Variants in CNTNAP5 observed in about 807,000 individuals in gnomAD.
CNTNAP5 encodes the protein contactin-associated protein-like 5.
Under a neutral mutation model 150.2 loss-of-function variants are expected in CNTNAP5, and 72 were observed. That is an observed-to-expected ratio of 0.48 (90% CI 0.40 to 0.58). CNTNAP5 has a LOEUF of 0.58. Among genes scored for constraint, CNTNAP5 ranks in the 20% least tolerant of loss-of-function variants. The probability of loss-of-function intolerance (pLI) is 0.00; values close to 1 mark genes in which losing one functional copy is unlikely to be tolerated. For missense variants in CNTNAP5, 1,636 were observed against 1,626.2 expected (o/e 1.01, Z -0.10); for synonymous variants, 672 against 619.8 (o/e 1.08, Z -1.25).
At chr2:124,896,912 C>A (rs1346277338) in intron 21 of CNTNAP5, among the ~76,000 whole-genome samples, 1 of 151,578 alleles carries the variant, frequency 6.6e-6, no homozygotes, top group Non-Finnish European at 1.5e-5. Context: ...TTATTTCAGA[C>A]AGAGTTAACT....
At chr2:124,313,951 T>A (rs1200629770) in intron 3 of CNTNAP5, among the ~76,000 whole-genome samples, 2 of 152,172 alleles carry the variant, frequency 1.3e-5, no homozygotes, top group Non-Finnish European at 2.9e-5. Context: ...TAGAACTAAA[T>A]CTCAGACTTC....
At chr2:124,840,330 G>A (rs1209293825) in intron 19 of CNTNAP5, among the ~76,000 whole-genome samples, 1 of 152,012 alleles carries the variant, frequency 6.6e-6, no homozygotes, top group Non-Finnish European at 1.5e-5. Context: ...GGAAGGCTTG[G>A]GCATTACAGA....
chr2:124,082,587 G>A (rs1434194069), intron 1 of CNTNAP5, among the ~76,000 whole-genome samples: 1 of 151,998 alleles, frequency 6.6e-6, no homozygotes, highest in Non-Finnish European at 1.5e-5. Context: ...TTCCAGTTTT[G>A]AGCCATTACA....
At chr2:124,613,484 C>T (rs1250274170) in intron 12 of CNTNAP5, among the ~76,000 whole-genome samples, 2 of 152,160 alleles carry the variant, frequency 1.3e-5, no homozygotes, top group East Asian at 3.9e-4. Context: ...AGCCTTTCCT[C>T]GTTGAGAATT....
intron 3 of CNTNAP5, among the ~76,000 whole-genome samples, chr2:124,404,485 C>T (rs899852162): frequency 6.6e-6 from 1 of 152,160 alleles, no homozygotes; most frequent in Non-Finnish European, 1.5e-5. Flanking sequence ...ACAGTGTCTC[C>T]CCATACCATG....
chr2:124,501,092 G>A (rs1694269706), intron 7 of CNTNAP5, among the ~76,000 whole-genome samples: 1 of 152,160 alleles, frequency 6.6e-6, no homozygotes, highest in Non-Finnish European at 1.5e-5. Context: ...ACCCATGGCA[G>A]CTCACTGACT....
chr2:124,717,355 CT>C (rs769024652), intron 13 of CNTNAP5, among the ~76,000 whole-genome samples: 2 of 152,194 alleles, frequency 1.3e-5, no homozygotes, highest in Non-Finnish European at 2.9e-5. Context: ...TCAGGGAATA[CT>C]TGAGAATTGA....
chr2:124,757,746 C>T (rs1048144588), intron 14 of CNTNAP5, among the ~76,000 whole-genome samples: 4 of 152,120 alleles, frequency 2.6e-5, no homozygotes, highest in Non-Finnish European at 5.9e-5. Flanking sequence ...AAGGCATCCA[C>T]GGATATAAGT....
intron 11 of CNTNAP5, among the ~76,000 whole-genome samples, chr2:124,607,206 A>G (rs1172937076): frequency 1.3e-5 from 2 of 152,154 alleles, no homozygotes; most frequent in Non-Finnish European, 2.9e-5. Context: ...GACCGTAAGC[A>G]ACTTAGCTAG....
chr2:124,494,192 G>T (rs1043657362), intron 7 of CNTNAP5, among the ~76,000 whole-genome samples: 1 of 151,902 alleles, frequency 6.6e-6, no homozygotes, highest in Non-Finnish European at 1.5e-5. Flanking sequence ...GGAGACACTG[G>T]GATGTTTATA....
chr2:124,649,463 G>A (rs962709191), intron 13 of CNTNAP5, among the ~76,000 whole-genome samples: 11 of 152,144 alleles, frequency 7.2e-5, no homozygotes, highest in Admixed American at 2.0e-4. Flanking sequence ...CGGTTTGGCC[G>A]AATTGTAGGA....
At chr2:124,187,856 G>A (rs1217438964) in intron 1 of CNTNAP5, among the ~76,000 whole-genome samples, 1 of 152,106 alleles carries the variant, frequency 6.6e-6, no homozygotes, top group Middle Eastern at 3.2e-3. Context: ...CCGAGATAAG[G>A]TTAAATGCAA....
rs565758223 is a variant in CNTNAP5, at chr2:124,217,695, G to GA, written c.83-4004dup. 1.6e-3 allele frequency among the ~76,000 whole-genome samples: 242 copies of GA among 152,156 alleles called. 2 individuals are homozygous for GA. Among genetic ancestry groups the GA allele is most frequent in the African/African-American group, 5.2e-3 (215 of 41,526 alleles). On this transcript the variant is annotated intron_variant, in intron 1 of 23. Coordinates refer to ENST00000682447, the MANE Select transcript of CNTNAP5 (RefSeq NM_001367498.1). The stretch of plus-strand genomic sequence containing the variant: ...ATTTGTGGGCAAGTTTTGTGGAAGA[G>GA]AAAAAAGATCCCAGAAATAAAATCA...
chr2:124,646,993 T>A (rs892904792), intron 12 of CNTNAP5, among the ~76,000 whole-genome samples: 2 of 152,146 alleles, frequency 1.3e-5, no homozygotes, highest in Non-Finnish European at 2.9e-5. Flanking sequence ...AAAATTTTTT[T>A]AATAAAAGGA....
intron 3 of CNTNAP5, among the ~76,000 whole-genome samples, chr2:124,415,630 A>G (rs1691898069): frequency 6.6e-6 from 1 of 152,198 alleles, no homozygotes; most frequent in African/African-American, 2.4e-5. Context: ...GGTTTTATCT[A>G]TGAATATTAG....
chr2:124,666,860 C>G (rs1393338944), intron 13 of CNTNAP5, among the ~76,000 whole-genome samples: 1 of 152,162 alleles, frequency 6.6e-6, no homozygotes, highest in African/African-American at 2.4e-5. Context: ...CTGACCTCTT[C>G]TGCTGCTGCA....
chr2:124,363,612 T>A (rs892360974), intron 3 of CNTNAP5, among the ~76,000 whole-genome samples: 1 of 152,232 alleles, frequency 6.6e-6, no homozygotes, highest in Non-Finnish European at 1.5e-5. Context: ...GTGAGTTTTA[T>A]AGATCTGTTG....
intron 3 of CNTNAP5, among the ~76,000 whole-genome samples, chr2:124,327,824 G>A (rs919923231): frequency 5.3e-5 from 8 of 152,090 alleles, no homozygotes; most frequent in Non-Finnish European, 1.0e-4. Flanking sequence ...AAAGCAAGCT[G>A]TACCCCAACC....
intron 12 of CNTNAP5, among the ~76,000 whole-genome samples, chr2:124,639,937 C>T (rs1052394389): frequency 2.0e-5 from 3 of 152,066 alleles, no homozygotes; most frequent in African/African-American, 7.2e-5. Flanking sequence ...CACCCACTCC[C>T]CCCTTTGCTG....
Sources: gnomAD v4.1 joint callset for allele counts (sites outside exome capture counted in the v4.1 genomes callset) on GRCh38, gnomAD v4.1.1 for gene constraint, MANE v1.5 for transcripts, NCBI Gene and HGNC (gene_info 2026-07-23, HGNC 2026-07-21) for gene names.